The following RAP1GAP variants were observed in gnomAD, a reference collection of about 807,000 sequenced individuals.
The protein encoded by RAP1GAP is RAP1 GTPase activating protein, also known as rap1 GTPase-activating protein 1.
Under a neutral mutation model 87.2 loss-of-function variants are expected in RAP1GAP, and 35 were observed. The observed-to-expected ratio is 0.40, with a 90% CI of 0.31 to 0.53. RAP1GAP has a LOEUF of 0.53. Ranked by LOEUF, RAP1GAP falls within the 20% of genes least tolerant of loss-of-function variation. The probability of loss-of-function intolerance (pLI) is 0.48; values close to 1 mark genes in which losing one functional copy is unlikely to be tolerated. For missense variants in RAP1GAP, 734 were observed against 898.9 expected, an observed-to-expected ratio of 0.82 and a Z score of 2.35; for synonymous variants, 375 against 363.9, an observed-to-expected ratio of 1.03 and a Z score of -0.35.
At chr1:21,666,110 G>A (rs2152423668) in intron 1 of RAP1GAP, among the ~76,000 whole-genome samples, 2 of 152,298 alleles carry the variant, frequency 1.3e-5, no homozygotes, top group South Asian at 4.1e-4. Context: ...AGGGAGCATG[G>A]TGGAGCTGGG....
intron 2 of RAP1GAP, among the ~76,000 whole-genome samples, chr1:21,627,751 C>T (rs560991077): frequency 1.6e-4 from 24 of 152,262 alleles, no homozygotes; most frequent in Middle Eastern, 6.8e-3. Context: ...CCCAGCTACT[C>T]CAGCAGGAGA....
At position 21,640,705 on chromosome 1, in the gene RAP1GAP, G is replaced by A. The variant is rs72660341; in HGVS notation, c.-113+9056C>T. ...ACTAAAATAGGTCCAGGGTCTTTGC[G>A]CCAGGTAGATCCAGTCAGGTGGGCT... On this transcript the variant is annotated intron_variant, in intron 2 of 24. Transcript: ENST00000374765. Among the ~76,000 whole-genome samples the A allele has an allele frequency of 5.8e-3, 883 of 152,048 alleles. 6 individuals are homozygous for A. The highest frequency in any genetic ancestry group is 0.01 in the Non-Finnish European group (682 of 67,986).
In RAP1GAP at chr1:21,596,804, A is replaced by G. The variant is rs958098621; in HGVS notation, c.*495T>C. On this transcript the variant is annotated 3_prime_UTR_variant, in exon 25 of 25. Coordinates refer to ENST00000374765, the MANE Select transcript of RAP1GAP (RefSeq NM_002885.4). ...CCCAGAGAGGGAGAGTGACTTGCCC[A>G]GAGTCACACAGCAGAACCCAAATTG... 2 of 152,338 alleles carry G rather than the reference A, an allele frequency of 1.3e-5. No individual in the cohort carries two copies. The highest frequency in any genetic ancestry group is 2.9e-5 in the Non-Finnish European group (2 of 68,118). 9.4% of individuals were successfully genotyped at this position (152,338 alleles called of 1,614,324 possible). A position where few individuals can be genotyped will look rare whatever the true frequency, so the allele number is the denominator to read the frequency against.
rs971226214 is a variant in RAP1GAP at position 21,617,471 on chromosome 1, G to C, written c.126C>G (p.Pro42=). The stretch of plus-strand genomic sequence containing the variant: ...ACTGGGGCAGCAGGATGAGGGGGAA[G>C]GGTCCTTCTCGCCCCAAGACCTGAA... ...SVHEVLGREG[P]FPLILLPQFG... Residue 42 remains proline, a synonymous_variant, in exon 7 of 25, where the codon CCC becomes CCG. Transcript: ENST00000374765. 3 of 1,603,064 alleles carry C rather than the reference G, an allele frequency of 1.9e-6. No homozygotes were observed. The highest frequency in any genetic ancestry group is 2.2e-5 in the East Asian group (1 of 44,514).
Position 21,615,412 on chromosome 1 carries a change from G to A in RAP1GAP, c.292-1323C>T, listed in dbSNP as rs1158863935. Among the ~76,000 whole-genome samples, 1 of 149,314 alleles carries A rather than the reference G, an allele frequency of 6.7e-6. No individual in the cohort carries two copies. Among genetic ancestry groups the A allele is most frequent in the African/African-American group, 2.5e-5 (1 of 40,618 alleles). On this transcript the variant is annotated intron_variant, in intron 7 of 24. Transcript: ENST00000374765. This position sits in a 1 kb window ranked among gnomAD's most constrained non-coding sequence, Gnocchi z 4.5. ...ATGAAGCCTCTTCTTTTTTTTTTGA[G>A]ATGGAGTCTTGCTCTGTCGCCCAGG...
At chr1:21,597,838 C>T in intron 23 of RAP1GAP, 110 bp from the exon 24 acceptor site, 1 of 1,525,272 alleles carries the variant, frequency 6.6e-7, no homozygotes, top group South Asian at 1.2e-5. Flanking sequence ...CAAGCCCCAC[C>T]CCTCCTGGCC....
At chr1:21,655,799 T>C (rs908363864) in intron 1 of RAP1GAP, among the ~76,000 whole-genome samples, 7 of 152,234 alleles carry the variant, frequency 4.6e-5, no homozygotes, top group African/African-American at 1.4e-4. Context: ...AGTTCACCTC[T>C]TGTTGAACTC....
rs2097434765 is a variant in RAP1GAP, at chr1:21,668,128, G to A, written c.-149+1126C>T. Reference sequence around the variant, plus strand: ...CCTTCCCCAGTGCCCCAACCATAGCGTTTTCCCCCAAACACCCTCAGGAAG... The same window carrying A: ...CCTTCCCCAGTGCCCCAACCATAGCATTTTCCCCCAAACACCCTCAGGAAG... On this transcript the variant is annotated intron_variant, in intron 1 of 24. Transcript: ENST00000374765. The surrounding 1 kb of genome is among the most constrained non-coding windows in gnomAD (Gnocchi z 6.2). Among the ~76,000 whole-genome samples, 1 of 152,148 alleles carries A rather than the reference G, an allele frequency of 6.6e-6. No individual in the cohort carries two copies. Among genetic ancestry groups the A allele is most frequent in the Non-Finnish European group, 1.5e-5 (1 of 68,034 alleles).
chr1:21,606,236 T>C, intron 17 of RAP1GAP, 39 bp from the exon 18 acceptor site: 3 of 1,552,760 alleles, frequency 1.9e-6, no homozygotes, highest in Non-Finnish European at 1.7e-6. Context: ...ACAGGATTCC[T>C]AAGGGCCGTC....
intron 1 of RAP1GAP, among the ~76,000 whole-genome samples, chr1:21,659,476 C>T (rs1252143563): frequency 2.0e-5 from 3 of 152,252 alleles, no homozygotes; most frequent in Middle Eastern, 3.4e-3. Context: ...GCCCTCTCCC[C>T]GGCGCCAGGC....
In RAP1GAP at chr1:21,603,077, A is replaced by G. The variant is rs1251256492; in HGVS notation, c.1429-164T>C. The G allele has an allele frequency of 5.0e-6, 3 of 596,430 alleles. No homozygotes were observed. The highest frequency in any genetic ancestry group is 8.9e-6 in the Non-Finnish European group (3 of 337,440). The allele number at this position is 596,430 out of a possible 1,614,324, so 36.9% of individuals were successfully genotyped here. A position where few individuals can be genotyped will look rare whatever the true frequency, so the allele number is the denominator to read the frequency against. ...CCCAGAGACAGCCTCCCAGTTTACG[A>G]AAGGGAAACAGTCCCCAGGAGGGCA... On this transcript the variant is annotated intron_variant, in intron 18 of 24. Transcript: ENST00000374765. The surrounding 1 kb of genome is among the most constrained non-coding windows in gnomAD (Gnocchi z 6.0).
chr1:21,646,716 A>G (rs1246421484), intron 2 of RAP1GAP, among the ~76,000 whole-genome samples: 1 of 152,074 alleles, frequency 6.6e-6, no homozygotes, highest in East Asian at 1.9e-4. Flanking sequence ...ACCTCCCACC[A>G]TCCATTTGAA....
intron 21 of RAP1GAP, among the ~76,000 whole-genome samples, chr1:21,598,759 A>C (rs1164093297): frequency 6.6e-6 from 1 of 152,226 alleles, no homozygotes; most frequent in Non-Finnish European, 1.5e-5. Context: ...AGGGCTTGCC[A>C]CTGACATAAA....
At chr1:21,611,899 C>T (rs541318730) in intron 11 of RAP1GAP, 83 bp from the exon 12 acceptor site, 91 of 1,509,396 alleles carry the variant, frequency 6.0e-5, no homozygotes, top group Non-Finnish European at 7.8e-5. Context: ...CAGAGAGGGC[C>T]GGAGGGAGGA....
intron 2 of RAP1GAP, among the ~76,000 whole-genome samples, chr1:21,640,835 C>T (rs1343374340): frequency 6.6e-6 from 1 of 152,158 alleles, no homozygotes; most frequent in Admixed American, 6.5e-5. Flanking sequence ...ACTTGAGACT[C>T]AAGCCAAGCC....
intron 1 of RAP1GAP, among the ~76,000 whole-genome samples, chr1:21,664,579 TCTA>T (rs1442794066): frequency 1.3e-5 from 2 of 152,264 alleles, no homozygotes; most frequent in Admixed American, 1.3e-4. Context: ...AACTGGTAAT[TCTA>T]CTACTAACAT....
chr1:21,602,173 C>T (rs1019690577), intron 19 of RAP1GAP, among the ~76,000 whole-genome samples: 1 of 152,226 alleles, frequency 6.6e-6, no homozygotes, highest in African/African-American at 2.4e-5. Flanking sequence ...CCACTCCCGT[C>T]CTGGAGCCCT....
intron 1 of RAP1GAP, chr1:21,651,732 A>G (rs1301712081): frequency 7.4e-7 from 1 of 1,351,814 alleles, no homozygotes. Context: ...ACGCGTGCAC[A>G]CGCACACGCG....
chr1:21,616,193 A>ATG (rs2082066786), intron 7 of RAP1GAP, among the ~76,000 whole-genome samples: 1 of 129,134 alleles, frequency 7.7e-6, no homozygotes, highest in Non-Finnish European at 1.6e-5. Flanking sequence ...ACACACACAT[A>ATG]CAATGACTAG....
Sources: allele counts gnomAD v4.1 joint callset (sites outside exome capture counted in the v4.1 genomes callset), GRCh38; gene constraint gnomAD v4.1.1; non-coding constraint Gnocchi (gnomAD v3.1); transcripts MANE v1.5; gene names NCBI Gene and HGNC (gene_info 2026-07-23, HGNC 2026-07-21).